The following KDR variants were observed in gnomAD, a reference collection of about 807,000 sequenced individuals.
The protein encoded by KDR is kinase insert domain receptor, also known as vascular endothelial growth factor receptor 2.
A neutral mutation model predicts 160.9 loss-of-function variants in KDR; 43 were observed. The ratio of observed to expected loss-of-function variants is 0.27; its 90% CI spans 0.21 to 0.34. The LOEUF is 0.34. Ranked by LOEUF, KDR falls within the 10% of genes least tolerant of loss-of-function variation. The pLI, the probability that KDR is intolerant of heterozygous loss-of-function variation, is 1.00. For synonymous variants in KDR, 617 were observed against 600.1 expected, an observed-to-expected ratio of 1.03 and a Z score of -0.41; for missense variants, 1,469 against 1,666.4, an observed-to-expected ratio of 0.88 and a Z score of 2.06.
chr4:55,098,421 C>G, intron 16 of KDR, 149 bp from the exon 17 acceptor site: 1 of 1,001,130 alleles, frequency 1.0e-6, no homozygotes, highest in Non-Finnish European at 1.5e-6. Context: ...TATAACCCTG[C>G]TTCTAGTTTC....
intron 10 of KDR, among the ~76,000 whole-genome samples, chr4:55,107,479 A>C (rs761117278): frequency 2.6e-5 from 4 of 152,182 alleles, no homozygotes; most frequent in Admixed American, 1.3e-4. Context: ...AAACTGAGCA[A>C]ATAGCCTGTG....
rs1870377 is a variant in KDR at position 55,106,807 on chromosome 4, T to A, written c.1416A>T (p.Gln472His). The A allele has an allele frequency of 0.23, 363,577 of 1,599,452 alleles. 44,436 individuals carry two copies. The highest frequency in any genetic ancestry group is 0.44 in the East Asian group (19,619 of 44,700). Residue 472 changes from glutamine to histidine, a missense_variant, in exon 11 of 30, where the codon CAA becomes CAT. Physicochemically the swap from Gln to His is conservative, Grantham distance 24. Transcript: ENST00000263923. ...LEEECANEPSQAVSVTNPYPC... is the reference protein window; with the variant it reads ...LEEECANEPSHAVSVTNPYPC... ...GGTATGGGTTTGTCACTGAGACAGC[T>A]TGGCTATAAGAAAGAGATAACAGCG...
At chr4:55,092,825 AAAT>A in intron 21 of KDR, 111 bp from the exon 22 acceptor site, 1 of 761,522 alleles carries the variant, frequency 1.3e-6, no homozygotes, top group East Asian at 2.7e-5. Context: ...AGTTTTTAGG[AAAT>A]AGAAGCAGAG....
At chr4:55,092,844 A>C in intron 21 of KDR, 130 bp from the exon 22 acceptor site, 4 of 705,144 alleles carry the variant, frequency 5.7e-6, no homozygotes, top group Non-Finnish European at 7.8e-6. Flanking sequence ...CAGAGAGTCA[A>C]TGCTTCTATC....
At chr4:55,087,489 G>T (rs2110009075) in intron 27 of KDR, 118 bp downstream of exon 27, 1 of 890,176 alleles carries the variant, frequency 1.1e-6, no homozygotes, top group Non-Finnish European at 1.8e-6. Flanking sequence ...CAGGGCTAAG[G>T]TTATGTGGAA....
chr4:55,089,862 C>T lies in KDR; in HGVS notation c.3193-60G>A, dbSNP rs935233638. On this transcript the variant is annotated intron_variant, in intron 23 of 29. Coordinates refer to ENST00000263923, the MANE Select transcript of KDR (RefSeq NM_002253.4). Reference sequence around the variant, plus strand: ...ATTAGCAAATATCTGAAGAAAAAAACTTCCTCTGTTCCTGAACACAGGTCC... The same window carrying T: ...ATTAGCAAATATCTGAAGAAAAAAATTTCCTCTGTTCCTGAACACAGGTCC... 10 of 1,604,796 alleles carry T rather than the reference C, an allele frequency of 6.2e-6. No individual in the cohort carries two copies. The African/African-American group carries it at 1.2e-4, about 19-fold the overall frequency.
intron 15 of KDR, among the ~76,000 whole-genome samples, chr4:55,101,503 T>A (rs970510926): frequency 1.3e-5 from 2 of 152,048 alleles, no homozygotes; most frequent in African/African-American, 4.8e-5. Flanking sequence ...ACCTTCTTTT[T>A]TTCTTTTAAG....
chr4:55,114,733 A>G, intron 5 of KDR, 141 bp downstream of exon 5: 1 of 733,256 alleles, frequency 1.4e-6, no homozygotes, highest in Non-Finnish European at 2.4e-6. Context: ...TTTATTTGGT[A>G]GAGAAGAGCA....
chr4:55,116,103 T>C (rs1720730379), intron 3 of KDR, among the ~76,000 whole-genome samples: 1 of 152,136 alleles, frequency 6.6e-6, no homozygotes, highest in African/African-American at 2.4e-5. Flanking sequence ...AAGTCACCAC[T>C]CCAAAGACTG....
chr4:55,095,264 G>A (rs1024038476), intron 20 of KDR, among the ~76,000 whole-genome samples: 1 of 151,988 alleles, frequency 6.6e-6, no homozygotes, highest in Non-Finnish European at 1.5e-5. Context: ...CACTCCACGG[G>A]GCCAAATATG....
chr4:55,094,277 A>G (rs1337325418), intron 21 of KDR, among the ~76,000 whole-genome samples: 2 of 152,340 alleles, frequency 1.3e-5, no homozygotes, highest in East Asian at 1.9e-4. Context: ...AATAAAGGCC[A>G]GGATATTTAT....
At chr4:55,119,432 C>A (rs1720812299) in intron 2 of KDR, among the ~76,000 whole-genome samples, 1 of 152,188 alleles carries the variant, frequency 6.6e-6, no homozygotes, top group Non-Finnish European at 1.5e-5. Flanking sequence ...CTTTATGGAA[C>A]CTCAGTCTAA....
intron 22 of KDR, among the ~76,000 whole-genome samples, chr4:55,090,801 AAT>A (rs1247190518): frequency 6.6e-6 from 1 of 152,000 alleles, no homozygotes; most frequent in African/African-American, 2.4e-5. Context: ...TTTGTAAGAA[AAT>A]GAGTCTTGGG....
Position 55,118,756 on chromosome 4 carries a change from C to G in KDR, c.206G>C (p.Gly69Ala). The G allele has an allele frequency of 1.9e-6, 3 of 1,614,164 alleles. No individual in the cohort carries two copies. In the South Asian group the frequency reaches 3.3e-5, roughly 18 times the overall value. ...AGTCACCTCCACCCTTTGCTCACTG[C>G]CACTCTGATTATTGGGCCAAAGCCA... ...LDWLWPNNQSGSEQRVEVTEC... is the reference protein window; with the variant it reads ...LDWLWPNNQSASEQRVEVTEC... The change falls in exon 3 of 30, where the codon GGC becomes GCC. Residue 69 changes from glycine to alanine, a missense_variant. Around this residue, in one of 7 missense-constraint regions of KDR, gnomAD observed 792 missense variants for 840.9 expected, o/e 0.94. Coordinates refer to ENST00000263923, the MANE Select transcript of KDR (RefSeq NM_002253.4).
At chr4:55,092,003 A>G (rs1720030088) in intron 22 of KDR, among the ~76,000 whole-genome samples, 1 of 152,198 alleles carries the variant, frequency 6.6e-6, no homozygotes, top group African/African-American at 2.4e-5. Context: ...TACTCCTAAC[A>G]AATACTTTTT....
intron 11 of KDR, 64 bp from the exon 12 acceptor site, chr4:55,106,004 G>T: frequency 1.0e-6 from 1 of 981,600 alleles, no homozygotes; most frequent in Non-Finnish European, 1.7e-6. Flanking sequence ...CAAGCACTCA[G>T]TCCAGCAGTC....
At chr4:55,084,373 G>A (rs1406932212) in intron 27 of KDR, among the ~76,000 whole-genome samples, 1 of 152,188 alleles carries the variant, frequency 6.6e-6, no homozygotes, top group Non-Finnish European at 1.5e-5. Context: ...ATGAGGTTTG[G>A]AGACATGGGC....
chr4:55,108,496 T>G (rs1720497183), intron 9 of KDR, among the ~76,000 whole-genome samples: 1 of 152,172 alleles, frequency 6.6e-6, no homozygotes, highest in Non-Finnish European at 1.5e-5. Flanking sequence ...CACAGCTTTA[T>G]ACGTGAGAAA....
intron 9 of KDR, 70 bp from the exon 10 acceptor site, chr4:55,107,963 A>G (rs1720485205): frequency 1.9e-6 from 3 of 1,552,522 alleles, no homozygotes; most frequent in Admixed American, 1.7e-5. Flanking sequence ...GGATTTTAGC[A>G]ACTAAAGCTG....
Sources: gnomAD v4.1 joint callset for allele counts (sites outside exome capture counted in the v4.1 genomes callset) on GRCh38, gnomAD v4.1.1 for gene constraint, gnomAD v4.1.1 regional missense constraint, MANE v1.5 for transcripts, NCBI Gene and HGNC (gene_info 2026-07-23, HGNC 2026-07-21) for gene names.